Variants in EPHA7 observed in about 807,000 individuals in gnomAD.
EPHA7 encodes the protein EPH receptor A7.
Under a neutral mutation model 112.6 loss-of-function variants are expected in EPHA7, and 25 were observed. The ratio of observed to expected loss-of-function variants is 0.22; its 90% confidence interval spans 0.16 to 0.31. The LOEUF (loss-of-function observed/expected upper bound fraction) is 0.31. Among genes scored for constraint, EPHA7 ranks in the 10% least tolerant of loss-of-function variants. EPHA7 has a pLI of 1.00. For missense variants in EPHA7, 962 were observed against 1,212.6 expected (o/e 0.79, Z 3.07); for synonymous variants, 437 against 406.5 (o/e 1.07, Z -0.90).
At chr6:93,354,685 G>A (rs1165680116) in intron 5 of EPHA7, among the ~76,000 whole-genome samples, 1 of 149,244 alleles carries the variant, frequency 6.7e-6, no homozygotes, top group Non-Finnish European at 1.5e-5. Context: ...TAACCAGAAG[G>A]GAGTCAACAT....
intron 3 of EPHA7, among the ~76,000 whole-genome samples, chr6:93,372,313 T>A (rs1221235993): frequency 1.3e-5 from 2 of 152,122 alleles, no homozygotes; most frequent in Non-Finnish European, 2.9e-5. Flanking sequence ...GGGTAATACT[T>A]GCCAAATATC....
In EPHA7 at chr6:93,351,429, C is replaced by T. The variant is rs545105349; in HGVS notation, c.1324+5288G>A. On this transcript the variant is annotated intron_variant, in intron 5 of 16. Transcript: ENST00000369303. ...AGTATTTGCTTCCTGGGGAGCCCAA[C>T]TTGAGAAACTATCCCTAACCTCTTT... is the stretch of plus-strand genomic sequence containing the variant. Among the ~76,000 whole-genome samples the T allele has an allele frequency of 7.9e-5, 12 of 152,186 alleles. No individual in the cohort carries two copies. The South Asian group carries it at 2.5e-3, about 32-fold the overall frequency.
intron 5 of EPHA7, among the ~76,000 whole-genome samples, chr6:93,348,199 G>A (rs1240179593): frequency 2.6e-5 from 4 of 151,630 alleles, no homozygotes; most frequent in Non-Finnish European, 2.9e-5. Context: ...TAGGGTGTGG[G>A]GATGAGAACA....
At chr6:93,285,739 T>G (rs554847890) in intron 5 of EPHA7, among the ~76,000 whole-genome samples, 1 of 152,178 alleles carries the variant, frequency 6.6e-6, no homozygotes, top group African/African-American at 2.4e-5. Context: ...TTGCCACATA[T>G]GAAGTTCCGG....
At chr6:93,245,539 A>T (rs1478486272) in intron 15 of EPHA7, 86 bp from the exon 16 acceptor site, 1 of 1,377,318 alleles carries the variant, frequency 7.3e-7, no homozygotes, top group African/African-American at 1.5e-5. Context: ...TAAGGTATAA[A>T]GAACAAAATT....
chr6:93,390,741 T>A (rs938254839), intron 3 of EPHA7, among the ~76,000 whole-genome samples: 3 of 151,866 alleles, frequency 2.0e-5, no homozygotes, highest in African/African-American at 7.2e-5. Flanking sequence ...AAATTTAATT[T>A]CTCAAATGGA....
chr6:93,364,900 T>G (rs1319592196), intron 3 of EPHA7, among the ~76,000 whole-genome samples: 1 of 152,168 alleles, frequency 6.6e-6, no homozygotes, highest in Non-Finnish European at 1.5e-5. Flanking sequence ...ATTTTATCAC[T>G]TAAAAAACAG....
intron 14 of EPHA7, among the ~76,000 whole-genome samples, chr6:93,251,495 T>C (rs1770209649): frequency 7.2e-6 from 1 of 138,522 alleles, no homozygotes; most frequent in East Asian, 2.2e-4. Context: ...TAAAAATACT[T>C]TTTTCTTATG....
intron 3 of EPHA7, among the ~76,000 whole-genome samples, chr6:93,380,519 C>T (rs1777284833): frequency 1.3e-5 from 2 of 152,104 alleles, no homozygotes; most frequent in South Asian, 4.1e-4. Flanking sequence ...GAATATTCTC[C>T]ATCAAAAAGA....
At chr6:93,309,234 C>T (rs1267636343) in intron 5 of EPHA7, among the ~76,000 whole-genome samples, 1 of 152,200 alleles carries the variant, frequency 6.6e-6, no homozygotes, top group African/African-American at 2.4e-5. Flanking sequence ...CAGGCGTGAG[C>T]CACCGCACCC....
intron 16 of EPHA7, among the ~76,000 whole-genome samples, chr6:93,243,858 T>G (rs773784547): frequency 3.9e-5 from 6 of 152,138 alleles, no homozygotes; most frequent in Non-Finnish European, 7.4e-5. Context: ...AAATGTTATT[T>G]GAAATGTTGT....
At chr6:93,301,283 A>C (rs1402326721) in intron 5 of EPHA7, among the ~76,000 whole-genome samples, 5 of 152,196 alleles carry the variant, frequency 3.3e-5, no homozygotes, top group Admixed American at 2.6e-4. Flanking sequence ...TAATACTTTG[A>C]TACAAGTACA....
At chr6:93,398,097 C>T (rs1195417437) in intron 3 of EPHA7, among the ~76,000 whole-genome samples, 1 of 151,938 alleles carries the variant, frequency 6.6e-6, no homozygotes, top group African/African-American at 2.4e-5. Flanking sequence ...ACCTTGTTCA[C>T]TCTTACCTCT....
At chr6:93,364,490 C>T (rs1281661410) in intron 3 of EPHA7, among the ~76,000 whole-genome samples, 1 of 149,002 alleles carries the variant, frequency 6.7e-6, no homozygotes, top group East Asian at 2.0e-4. Context: ...TGCCACTGCA[C>T]TCCATCCAGC....
intron 15 of EPHA7, among the ~76,000 whole-genome samples, chr6:93,245,939 G>A (rs1265648936): frequency 1.3e-5 from 2 of 152,170 alleles, no homozygotes; most frequent in African/African-American, 4.8e-5. Flanking sequence ...CTTACCTGGC[G>A]TCTGAGGCTG....
chr6:93,250,052 A>T (rs1478129112), intron 14 of EPHA7, among the ~76,000 whole-genome samples: 2 of 152,194 alleles, frequency 1.3e-5, no homozygotes, highest in Non-Finnish European at 2.9e-5. Flanking sequence ...ATATTCAAAG[A>T]TATAATGTTT....
At chr6:93,296,650 T>C (rs1227920234) in intron 5 of EPHA7, among the ~76,000 whole-genome samples, 4 of 151,202 alleles carry the variant, frequency 2.6e-5, no homozygotes, top group Non-Finnish European at 4.4e-5. Flanking sequence ...AAAAGTCAAA[T>C]AAACAGAGAT....
At chr6:93,325,745 T>C (rs564669682) in intron 5 of EPHA7, among the ~76,000 whole-genome samples, 1 of 151,548 alleles carries the variant, frequency 6.6e-6, no homozygotes, top group Non-Finnish European at 1.5e-5. Context: ...ATACTTAATA[T>C]TTTATATTTA....
intron 5 of EPHA7, among the ~76,000 whole-genome samples, chr6:93,299,262 C>A (rs530289391): frequency 6.6e-6 from 1 of 151,648 alleles, no homozygotes; most frequent in African/African-American, 2.4e-5. Flanking sequence ...GGAGGCGGAG[C>A]TTGCAGTGAG....
Sources: gnomAD v4.1 joint callset for allele counts (sites outside exome capture counted in the v4.1 genomes callset) on GRCh38, gnomAD v4.1.1 for gene constraint, MANE v1.5 for transcripts, NCBI Gene and HGNC (gene_info 2026-07-23, HGNC 2026-07-21) for gene names.